Variants in KIAA1328 observed in about 807,000 individuals in gnomAD.
KIAA1328 encodes the protein KIAA1328, also known as protein hinderin.
Under a neutral mutation model 68.1 loss-of-function variants are expected in KIAA1328, and 52 were observed. The observed-to-expected ratio is 0.76, with a 90% confidence interval of 0.61 to 0.96. The LOEUF is 0.96. KIAA1328 is among the 40% of genes least tolerant of loss of function. The pLI is 0.00. For missense variants in KIAA1328, 641 were observed against 677.6 expected, an observed-to-expected ratio of 0.95 and a Z score of 0.60; for synonymous variants, 232 against 239.4, an observed-to-expected ratio of 0.97 and a Z score of 0.28.
intron 6 of KIAA1328, among the ~76,000 whole-genome samples, chr18:36,969,204 A>T (rs2052068632): frequency 6.6e-6 from 1 of 152,208 alleles, no homozygotes; most frequent in Non-Finnish European, 1.5e-5. Context: ...TCAGATTAAC[A>T]ACGTAACATC....
At chr18:37,076,177 A>T (rs1344864023) in intron 7 of KIAA1328, among the ~76,000 whole-genome samples, 2 of 152,136 alleles carry the variant, frequency 1.3e-5, no homozygotes, top group Non-Finnish European at 2.9e-5. Context: ...GAATTAAGAA[A>T]CTCACTCAAA....
chr18:36,875,675 A>G (rs1226462331), intron 4 of KIAA1328, among the ~76,000 whole-genome samples: 1 of 152,192 alleles, frequency 6.6e-6, no homozygotes, highest in African/African-American at 2.4e-5. Context: ...CTCTTGCCTG[A>G]TTGCCCTGGC....
At chr18:37,036,959 C>G (rs2055050808) in intron 6 of KIAA1328, among the ~76,000 whole-genome samples, 1 of 151,992 alleles carries the variant, frequency 6.6e-6, no homozygotes, top group African/African-American at 2.4e-5. Context: ...ATATACAGAC[C>G]CTAAGAAACC....
At chr18:37,053,424 A>T (rs186727971) in intron 6 of KIAA1328, among the ~76,000 whole-genome samples, 50 of 152,322 alleles carry the variant, frequency 3.3e-4, no homozygotes, top group African/African-American at 1.2e-3. Context: ...ATATTGGCCT[A>T]AGCAAAGAAT....
intron 4 of KIAA1328, among the ~76,000 whole-genome samples, chr18:36,875,872 C>G (rs1347496347): frequency 1.3e-4 from 20 of 152,132 alleles, no homozygotes; most frequent in Admixed American, 1.3e-3. Context: ...GTGTTTTTAG[C>G]ATGAAAGGGT....
At chr18:36,883,637 A>G (rs143606710) in intron 4 of KIAA1328, among the ~76,000 whole-genome samples, 1 of 152,168 alleles carries the variant, frequency 6.6e-6, no homozygotes, top group African/African-American at 2.4e-5. Flanking sequence ...CGATATTCCC[A>G]AATTGGAAAC....
chr18:37,076,913 G>A (rs1247724333), intron 7 of KIAA1328, among the ~76,000 whole-genome samples: 1 of 152,080 alleles, frequency 6.6e-6, no homozygotes, highest in East Asian at 1.9e-4. Context: ...ATACAAGGAG[G>A]AACTGGTACC....
At chr18:36,957,710 T>C (rs1189005070) in intron 5 of KIAA1328, among the ~76,000 whole-genome samples, 1 of 152,200 alleles carries the variant, frequency 6.6e-6, no homozygotes, top group Non-Finnish European at 1.5e-5. Flanking sequence ...ATGTTTAATA[T>C]AGTTAGGAAC....
At chr18:37,121,106 T>C (rs1008119740) in intron 7 of KIAA1328, among the ~76,000 whole-genome samples, 47 of 152,086 alleles carry the variant, frequency 3.1e-4, no homozygotes, top group African/African-American at 8.7e-4. Flanking sequence ...TTTAAAGTTT[T>C]AGAGTTTAAA....
At chr18:37,221,511 ACAAAC>A (rs2060562774) in intron 9 of KIAA1328, among the ~76,000 whole-genome samples, 1 of 152,182 alleles carries the variant, frequency 6.6e-6, no homozygotes, top group African/African-American at 2.4e-5. Context: ...AGTGCTGGAG[ACAAAC>A]CACCTGGGTT....
chr18:36,994,651 A>G (rs913675820), intron 6 of KIAA1328, among the ~76,000 whole-genome samples: 1 of 152,142 alleles, frequency 6.6e-6, no homozygotes, highest in African/African-American at 2.4e-5. Flanking sequence ...GATCTGTTTA[A>G]TTCTGCATGT....
chr18:36,854,457 G>T (rs565494268), intron 4 of KIAA1328, among the ~76,000 whole-genome samples: 1 of 152,224 alleles, frequency 6.6e-6, no homozygotes, highest in South Asian at 2.1e-4. Context: ...ACTGACTCTT[G>T]TATTTACTTA....
At chr18:36,880,009 G>A (rs28810215) in intron 4 of KIAA1328, among the ~76,000 whole-genome samples, 3,531 of 152,266 alleles carry the variant, frequency 0.023, 135 homozygotes, top group African/African-American at 0.081. Flanking sequence ...TCAGCTCCCA[G>A]GCTTCAGCTC....
chr18:37,019,110 T>G (rs1055508200), intron 6 of KIAA1328, among the ~76,000 whole-genome samples: 1 of 149,190 alleles, frequency 6.7e-6, no homozygotes, highest in African/African-American at 2.4e-5. Context: ...TTTTTTCCTA[T>G]GGTGTTATTG....
chr18:36,909,353 A>G (rs948020306), intron 5 of KIAA1328, among the ~76,000 whole-genome samples: 3 of 149,562 alleles, frequency 2.0e-5, no homozygotes, highest in South Asian at 2.1e-4. Context: ...TCATTGTTCA[A>G]TTCCCACCTA....
intron 6 of KIAA1328, among the ~76,000 whole-genome samples, chr18:36,963,980 C>T (rs536772856): frequency 5.2e-4 from 79 of 152,222 alleles, no homozygotes; most frequent in African/African-American, 1.9e-3. Context: ...AATCCTAACT[C>T]AATGAAATAA....
chr18:36,989,173 T>G (rs1241648821), intron 6 of KIAA1328, among the ~76,000 whole-genome samples: 3 of 152,220 alleles, frequency 2.0e-5, no homozygotes, highest in Non-Finnish European at 4.4e-5. Flanking sequence ...TTATCACACT[T>G]GTTTTTCGTT....
chr18:37,047,652 G>A (rs1245194037), intron 6 of KIAA1328, among the ~76,000 whole-genome samples: 1 of 152,090 alleles, frequency 6.6e-6, no homozygotes, highest in East Asian at 1.9e-4. Flanking sequence ...TCGCATAAAT[G>A]TCAACTCTGC....
chr18:36,829,134 T>C lies in KIAA1328; in HGVS notation c.-5T>C. On this transcript the variant is annotated 5_prime_UTR_variant, in exon 1 of 10. Transcript: ENST00000280020. ...CGCGACGCCCCGAGTGGCGGTTGTT[T>C]CAAGATGGCGGACGTGGCGGGCCCC... 1.3e-6 allele frequency: 2 copies of C among 1,534,012 alleles called. No individual in the cohort carries two copies. The highest frequency in any genetic ancestry group is 1.8e-6 in the Non-Finnish European group (2 of 1,142,194).
Sources: allele counts gnomAD v4.1 joint callset (sites outside exome capture counted in the v4.1 genomes callset), GRCh38; gene constraint gnomAD v4.1.1; transcripts MANE v1.5; gene names NCBI Gene and HGNC (gene_info 2026-07-23, HGNC 2026-07-21).